The following MAK16 variants were observed in gnomAD, a reference collection of about 807,000 sequenced individuals.
The protein encoded by MAK16 is protein MAK16 homolog.
In MAK16, 12 loss-of-function variants were observed where a neutral mutation model predicts 49.9. The ratio of observed to expected loss-of-function variants is 0.24; its 90% CI spans 0.15 to 0.39. MAK16 has a LOEUF of 0.39. MAK16 is among the 10% of genes least tolerant of loss of function. The pLI, the probability that MAK16 is intolerant of heterozygous loss-of-function variation, is 1.00. For synonymous variants in MAK16, 115 were observed against 126.4 expected (o/e 0.91, Z 0.60); for missense variants, 292 against 363.7 (o/e 0.80, Z 1.60).
Position 33,489,975 on chromosome 8 carries a change from AT to A in MAK16, c.393-309del, listed in dbSNP as rs1282415637. On this transcript the variant is annotated intron_variant, in intron 5 of 9. Coordinates refer to ENST00000360128, the MANE Select transcript of MAK16 (RefSeq NM_032509.4). This position sits in a 1 kb window ranked among gnomAD's most constrained non-coding sequence, Gnocchi z 4.2. Reference sequence around the variant, plus strand: ...TTTTAGCATGGTGAATGCCCTGAGAATCCCAGAATGCCTGAACAAAAATGGC... The same window carrying A: ...TTTTAGCATGGTGAATGCCCTGAGAACCCAGAATGCCTGAACAAAAATGGC... 1.8e-4 allele frequency among the ~76,000 whole-genome samples: 28 copies of A among 152,320 alleles called. No homozygotes were observed. Among genetic ancestry groups the A allele is most frequent in the African/African-American group, 6.3e-4 (26 of 41,570 alleles).
At position 33,497,346 on chromosome 8, in the gene MAK16, A is replaced by C. The variant is rs747428946; in HGVS notation, c.705+49A>C. ...TGTCCTTTGGCCTGCAGCAAAAAAA[A>C]AAAAAAAACAAAAACAGGGAGGTGG... On this transcript the variant is annotated intron_variant, in intron 9 of 9. Coordinates refer to ENST00000360128, the MANE Select transcript of MAK16 (RefSeq NM_032509.4). 3.1e-6 allele frequency: 4 copies of C among 1,311,320 alleles called. No homozygotes were observed. In the South Asian group the frequency reaches 5.1e-5, roughly 17 times the overall value. 81.2% of individuals were successfully genotyped at this position (1,311,320 alleles called of 1,614,324 possible).
At chr8:33,493,904 C>G (rs2128824330) in intron 6 of MAK16, among the ~76,000 whole-genome samples, 1 of 151,438 alleles carries the variant, frequency 6.6e-6, no homozygotes, top group East Asian at 1.9e-4. Context: ...CTTTTCACAA[C>G]CTTCACAGAA....
Position 33,490,117 on chromosome 8 carries a change from G to T in MAK16, c.393-168G>T, listed in dbSNP as rs937656941. On this transcript the variant is annotated intron_variant, in intron 5 of 9. Transcript: ENST00000360128. ...TACAGCACCAACCTTGGGCTCCAAG[G>T]CTTGTTTGAATCGCTAGCCTCCGTG... Among the ~76,000 whole-genome samples the T allele has an allele frequency of 2.6e-5, 4 of 152,146 alleles. No individual in the cohort carries two copies. The East Asian group carries it at 7.7e-4, about 29-fold the overall frequency.
chr8:33,487,783 A>G (rs2128823319), intron 1 of MAK16, among the ~76,000 whole-genome samples: 1 of 152,342 alleles, frequency 6.6e-6, no homozygotes, highest in Non-Finnish European at 1.5e-5. Flanking sequence ...CGAAGTATAT[A>G]AAATGTGATT....
chr8:33,495,139 C>T (rs1808837447), intron 6 of MAK16, among the ~76,000 whole-genome samples: 2 of 152,190 alleles, frequency 1.3e-5, no homozygotes, highest in South Asian at 2.1e-4. Flanking sequence ...CCTATTCTGT[C>T]ACATGGAATC....
At chr8:33,488,928 A>G (rs1387433852) in intron 4 of MAK16, 60 bp from the exon 5 acceptor site, 1 of 1,610,696 alleles carries the variant, frequency 6.2e-7, no homozygotes, top group Non-Finnish European at 8.5e-7. Flanking sequence ...TGTCACTGAC[A>G]GTGAAAACCT....
At position 33,499,664 on chromosome 8, in the gene MAK16, AT is replaced by A. The variant is rs1437672557; in HGVS notation, c.*1036del. ...TACTATCTCTACATATTTTTAGGAT[AT>A]GAATTTTTTTTTCCTGCTGGGTAGA... On this transcript the variant is annotated 3_prime_UTR_variant, in exon 10 of 10. Coordinates refer to ENST00000360128, the MANE Select transcript of MAK16 (RefSeq NM_032509.4). 1.1e-5 allele frequency: 2 copies of A among 177,710 alleles called. No homozygotes were observed. The highest frequency in any genetic ancestry group is 4.8e-5 in the African/African-American group (2 of 41,678). The allele number at this position is 177,710 out of a possible 1,614,324, so 11.0% of individuals were successfully genotyped here. A position where few individuals can be genotyped will look rare whatever the true frequency, so the allele number is the denominator to read the frequency against.
chr8:33,490,927 C>T (rs1323092867), intron 6 of MAK16, among the ~76,000 whole-genome samples: 5 of 152,118 alleles, frequency 3.3e-5, no homozygotes, highest in Admixed American at 3.3e-4. Context: ...TAATCATCCC[C>T]ACCCCCATTA....
At chr8:33,485,398 C>T (rs1464449284) in intron 1 of MAK16, 177 bp downstream of exon 1, 4 of 781,060 alleles carry the variant, frequency 5.1e-6, no homozygotes, top group Non-Finnish European at 8.5e-6. Flanking sequence ...CAGGGGTTTA[C>T]TGCCCGCTGC....
rs765661238 is a variant in MAK16, at chr8:33,495,528, T to C, written c.448-14T>C. On this transcript the variant is annotated splice_polypyrimidine_tract_variant and intron_variant, in intron 6 of 9. Coordinates refer to ENST00000360128, the MANE Select transcript of MAK16 (RefSeq NM_032509.4). ...ACTGATGAATTAAACAGATTTGCTC[T>C]TTCCCCCTTATAGGAAAAGGCATTA... 1.2e-6 allele frequency: 2 copies of C among 1,610,514 alleles called. No individual in the cohort carries two copies. The highest frequency in any genetic ancestry group is 2.2e-5 in the South Asian group (2 of 90,532).
Position 33,498,492 on chromosome 8 carries a change from G to A in MAK16, c.766G>A (p.Glu256Lys), listed in dbSNP as rs201404180. ...EDQDGKSSSEEEEEKALSAKH... is the reference protein window; with the variant it reads ...EDQDGKSSSEKEEEKALSAKH... ...TCAGGATGGTAAATCCTCCAGTGAG[G>A]AGGAGGAAGAAAAGGCCCTTAGTGC... Residue 256 changes from glutamate to lysine, a missense_variant, in exon 10 of 10, where the codon GAG (glutamate) becomes AAG (lysine). Transcript: ENST00000360128. 2.5e-6 allele frequency: 4 copies of A among 1,613,930 alleles called. No homozygotes were observed. The highest frequency in any genetic ancestry group is 1.7e-5 in the Admixed American group (1 of 59,968).
chr8:33,487,815 G>C (rs1381708758), intron 1 of MAK16, among the ~76,000 whole-genome samples: 2 of 152,202 alleles, frequency 1.3e-5, no homozygotes, highest in African/African-American at 2.4e-5. Context: ...GTCAAAAAAA[G>C]TCTGGAAAAA....
intron 9 of MAK16, among the ~76,000 whole-genome samples, chr8:33,498,010 C>T (rs563181703): frequency 2.0e-5 from 3 of 151,262 alleles, no homozygotes; most frequent in Admixed American, 6.6e-5. Flanking sequence ...GCAGAAGAAT[C>T]GCTTGAACCT....
chr8:33,495,756 GC>G (rs1378410076), intron 7 of MAK16, 140 bp downstream of exon 7: 2 of 612,948 alleles, frequency 3.3e-6, no homozygotes, highest in African/African-American at 4.4e-5. Context: ...TTGCTTTGTT[GC>G]CCAGGTTAGA....
intron 6 of MAK16, among the ~76,000 whole-genome samples, chr8:33,493,746 A>AT (rs1808813519): frequency 6.6e-6 from 1 of 152,158 alleles, no homozygotes; most frequent in Admixed American, 6.5e-5. Flanking sequence ...ATTTTCACCA[A>AT]TTGAGTTTGT....
intron 6 of MAK16, 38 bp downstream of exon 6, chr8:33,490,377 T>C (rs772953519): frequency 3.0e-5 from 47 of 1,565,812 alleles, no homozygotes; most frequent in Non-Finnish European, 3.9e-5. Flanking sequence ...TTCTACATTT[T>C]CTTTCTGGGG....
Position 33,489,124 on chromosome 8 carries a change from T to G in MAK16, c.377T>G (p.Leu126Arg), listed in dbSNP as rs1220175207. The change falls in exon 5 of 10, where the codon CTT becomes CGT. Residue 126 changes from leucine (L) to arginine (R), a missense_variant. Coordinates refer to ENST00000360128, the MANE Select transcript of MAK16 (RefSeq NM_032509.4). This position sits in a 1 kb window ranked among gnomAD's most constrained non-coding sequence, Gnocchi z 4.2. ...ITQYLIRIRK[L>R]TLKRQRKLVP... ...CAATACCTAATTCGAATTAGAAAACTTACACTAAAGCGACAGTAAGTATTT... is the reference window on the plus strand; with the variant it reads ...CAATACCTAATTCGAATTAGAAAACGTACACTAAAGCGACAGTAAGTATTT... The G allele has an allele frequency of 6.2e-7, 1 of 1,613,218 alleles. No individual in the cohort carries two copies. The highest frequency in any genetic ancestry group is 1.3e-5 in the African/African-American group (1 of 75,006).
chr8:33,500,509 G>T lies in MAK16; in HGVS notation c.*1880G>T, dbSNP rs770257831. 1.2e-6 allele frequency: 2 copies of T among 1,613,392 alleles called. No individual in the cohort carries two copies. Among genetic ancestry groups the T allele is most frequent in the South Asian group, 1.1e-5 (1 of 91,066 alleles). On this transcript the variant is annotated 3_prime_UTR_variant, in exon 10 of 10. Transcript: ENST00000360128. ...GGAAACTCTGGAATCAGGAAGAAAAGCTATGTTCATACTCTAAATCTGGAT... is the reference window on the plus strand; with the variant it reads ...GGAAACTCTGGAATCAGGAAGAAAATCTATGTTCATACTCTAAATCTGGAT...
At position 33,496,648 on chromosome 8, in the gene MAK16, C is replaced by A. The variant is rs370845610; in HGVS notation, c.546C>A (p.Pro182=). ...QDTYGDIYNF[P]IHAFDKALEQ... is the part of the protein sequence containing the mutation. ...AGTATGGCGACATCTACAACTTCCC[C>A]ATTCATGCCTTCGACAAAGCCCTGG... is the stretch of plus-strand genomic sequence containing the variant. The change falls in exon 8 of 10, where the codon CCC becomes CCA. Residue 182 remains proline (P), a synonymous_variant. Transcript: ENST00000360128. 37 of 1,613,246 alleles carry A rather than the reference C, an allele frequency of 2.3e-5. No homozygotes were observed. Among genetic ancestry groups the A allele is most frequent in the Non-Finnish European group, 3.1e-5 (37 of 1,179,638 alleles).
Sources: allele counts gnomAD v4.1 joint callset (sites outside exome capture counted in the v4.1 genomes callset), GRCh38; gene constraint gnomAD v4.1.1; non-coding constraint Gnocchi (gnomAD v3.1); transcripts MANE v1.5; gene names NCBI Gene and HGNC (gene_info 2026-07-23, HGNC 2026-07-21).